The following MAP7D2 variants were observed in gnomAD, a reference collection of about 807,000 sequenced individuals.
MAP7D2 encodes the protein MAP7 domain containing 2, also known as MAP7 domain-containing protein 2.
Under a neutral mutation model 63.5 loss-of-function variants are expected in MAP7D2, and 33 were observed. The observed-to-expected ratio is 0.52, with a 90% CI of 0.39 to 0.70. The LOEUF (loss-of-function observed/expected upper bound fraction) is 0.70, where lower values mean the gene tolerates loss of function less well. Ranked by LOEUF, MAP7D2 falls within the 30% of genes least tolerant of loss-of-function variation. MAP7D2 has a pLI of 0.00. For missense variants in MAP7D2, 626 were observed against 604.0 expected (o/e 1.04, Z -0.38); for synonymous variants, 224 against 223.7 (o/e 1.00, Z -0.01).
chrX:20,012,364 T>C lies in MAP7D2; in HGVS notation c.2057A>G (p.Gln686Arg), dbSNP rs2073231698. Residue 686 changes from glutamine (Q) to arginine (R), a missense_variant, in exon 15 of 17, where the codon CAG becomes CGG. Transcript: ENST00000379643. The stretch of plus-strand genomic sequence containing the variant: ...ATGAATATACCTCACATCCATAGAC[T>C]GAACTTCTTCAGTTGAATCATCCAG... ...NSLDDSTEEV[Q>R]SMDVSPVSKE... 12 of 1,200,978 alleles carry C rather than the reference T, an allele frequency of 1.0e-5. No individual in the cohort carries two copies. Among genetic ancestry groups the C allele is most frequent in the Non-Finnish European group, 1.3e-5 (12 of 890,551 alleles).
At chrX:20,083,833 G>A (rs143488137) in intron 1 of MAP7D2, among the ~76,000 whole-genome samples, 1,835 of 111,329 alleles carry the variant, frequency 0.016, 18 homozygotes, top group Middle Eastern at 0.046. Context: ...TCCTGGGGAG[G>A]TGCTACTGGC....
chrX:20,092,304 G>C (rs944539477), intron 1 of MAP7D2, among the ~76,000 whole-genome samples: 1 of 111,121 alleles, frequency 9.0e-6, no homozygotes, highest in Non-Finnish European at 1.9e-5. Context: ...GCACTTTGAC[G>C]TACTGAACTG....
At chrX:20,046,439 G>GA (rs1324788422) in intron 6 of MAP7D2, among the ~76,000 whole-genome samples, 4 of 112,852 alleles carry the variant, frequency 3.5e-5, no homozygotes, top group Non-Finnish European at 7.5e-5. Flanking sequence ...CTGACAGACT[G>GA]AACTCCATTC....
chrX:20,089,583 A>G (rs2066010647), intron 1 of MAP7D2, among the ~76,000 whole-genome samples: 1 of 112,298 alleles, frequency 8.9e-6, no homozygotes, highest in African/African-American at 3.2e-5. Flanking sequence ...GTGGACTCTG[A>G]GTCCCTGCCC....
At position 20,035,240 on chromosome X, in the gene MAP7D2, T is replaced by A. The variant is rs550776662; in HGVS notation, c.1007+7262A>T. Among the ~76,000 whole-genome samples the A allele has an allele frequency of 5.4e-5, 6 of 111,573 alleles. No individual in the cohort carries two copies. The South Asian group carries it at 2.3e-3, about 42-fold the overall frequency. ...AGAAGGGGGTGAATTCAGCTTTGGC[T>A]GGCTATGGAGAGGATGATGGCTGAG... is the stretch of plus-strand genomic sequence containing the variant. On this transcript the variant is annotated intron_variant, in intron 8 of 16. Coordinates refer to ENST00000379643, the MANE Select transcript of MAP7D2 (RefSeq NM_001168465.2).
intron 1 of MAP7D2, among the ~76,000 whole-genome samples, chrX:20,072,343 T>G (rs1261789722): frequency 9.0e-6 from 1 of 110,873 alleles, no homozygotes; most frequent in African/African-American, 3.3e-5. Flanking sequence ...ATTCGGGTCC[T>G]TCCCTCTCTC....
At chrX:20,104,489 G>A (rs1226034570) in intron 1 of MAP7D2, among the ~76,000 whole-genome samples, 1 of 111,389 alleles carries the variant, frequency 9.0e-6, no homozygotes, top group African/African-American at 3.3e-5. Flanking sequence ...TTAGTAGAGA[G>A]GGGGTTTCGC....
intron 1 of MAP7D2, among the ~76,000 whole-genome samples, chrX:20,069,505 G>A (rs1217525465): frequency 9.0e-6 from 1 of 110,894 alleles, no homozygotes; most frequent in East Asian, 2.8e-4. Context: ...CACAGTCTAT[G>A]GCCATCTCTT....
At chrX:20,086,308 G>A (rs1191148263) in intron 1 of MAP7D2, among the ~76,000 whole-genome samples, 8 of 111,734 alleles carry the variant, frequency 7.2e-5, no homozygotes, top group Non-Finnish European at 1.3e-4. Context: ...CTGGGCCCAC[G>A]GGAACCCTGT....
At chrX:20,115,931 A>T (rs1191795400) in intron 1 of MAP7D2, among the ~76,000 whole-genome samples, 1 of 112,915 alleles carries the variant, frequency 8.9e-6, no homozygotes, top group East Asian at 2.8e-4. Context: ...ATCGGTTTCC[A>T]TGCTGCTTAC....
chrX:20,053,322 C>T (rs917281728), intron 4 of MAP7D2, among the ~76,000 whole-genome samples: 6 of 112,023 alleles, frequency 5.4e-5, no homozygotes, highest in African/African-American at 1.9e-4. Flanking sequence ...TGAGCATGCT[C>T]ACATCACACA....
rs1216874865 is a variant in MAP7D2 at position 20,094,487 on chromosome X, CATATAT to C, written c.130+22257_130+22262del. ...GAATTGGTAATAAAAAAAATACATA[CATATAT>C]ATATATATATATATATATATATGTA... On this transcript the variant is annotated intron_variant, in intron 1 of 16. Coordinates refer to ENST00000379643, the MANE Select transcript of MAP7D2 (RefSeq NM_001168465.2). Among the ~76,000 whole-genome samples the C allele has an allele frequency of 6.6e-3, 99 of 15,083 alleles. 6 individuals carry two copies. Among genetic ancestry groups the C allele is most frequent in the South Asian group, 0.018 (3 of 170 alleles). The allele number at this position is 15,083 out of a possible 115,157, so 13.1% of individuals were successfully genotyped here. A position where few individuals can be genotyped will look rare whatever the true frequency, so the allele number is the denominator to read the frequency against.
intron 4 of MAP7D2, among the ~76,000 whole-genome samples, chrX:20,055,361 C>T (rs1399777981): frequency 4.5e-5 from 5 of 111,859 alleles, no homozygotes; most frequent in Admixed American, 9.5e-5. Flanking sequence ...TTCAGAACTC[C>T]GGGTGATTAC....
At chrX:20,104,881 T>C (rs1235899994) in intron 1 of MAP7D2, among the ~76,000 whole-genome samples, 4 of 111,857 alleles carry the variant, frequency 3.6e-5, no homozygotes, top group Middle Eastern at 4.6e-3. Context: ...GGTGATGCTA[T>C]CCCCATGAAC....
rs147809426 is a variant in MAP7D2, at chrX:20,011,593, T to C, written c.2073-541A>G. ...AGGGCTCCTGTGAGTGTGAATCTGA[T>C]CGTGCTGAGAAGAGTTCATGTGGAA... On this transcript the variant is annotated intron_variant, in intron 15 of 16. Transcript: ENST00000379643. 2.7e-5 allele frequency among the ~76,000 whole-genome samples: 3 copies of C among 112,211 alleles called. No individual in the cohort carries two copies. The East Asian group carries it at 8.4e-4, about 31-fold the overall frequency.
rs1347696778 is a variant in MAP7D2 at position 20,008,065 on chromosome X, C to CA, written c.*359dup. 8.9e-6 allele frequency: 1 copy of CA among 111,868 alleles called. No individual in the cohort carries two copies. The highest frequency in any genetic ancestry group is 1.9e-5 in the Non-Finnish European group (1 of 53,200). 9.2% of individuals were successfully genotyped at this position (111,868 alleles called of 1,213,427 possible). A position where few individuals can be genotyped will look rare whatever the true frequency, so the allele number is the denominator to read the frequency against. On this transcript the variant is annotated 3_prime_UTR_variant, in exon 17 of 17. Coordinates refer to ENST00000379643, the MANE Select transcript of MAP7D2 (RefSeq NM_001168465.2). Reference sequence around the variant, plus strand: ...AAGACATCTAAATGTTTATGTGCTCCAACTTTGGGAATAAGAATGGTTATA... The same window carrying CA: ...AAGACATCTAAATGTTTATGTGCTCCAAACTTTGGGAATAAGAATGGTTATA...
chrX:20,013,334 C>A (rs1290975667), intron 13 of MAP7D2, among the ~76,000 whole-genome samples: 1 of 111,608 alleles, frequency 9.0e-6, no homozygotes, highest in Non-Finnish European at 1.9e-5. Context: ...GACTACTATG[C>A]CTCTCTCTTC....
intron 6 of MAP7D2, among the ~76,000 whole-genome samples, chrX:20,044,757 T>C (rs188789867): frequency 9.0e-6 from 1 of 111,493 alleles, no homozygotes; most frequent in East Asian, 2.8e-4. Flanking sequence ...CACAGAGACC[T>C]AGCACTGCCA....
chrX:20,008,275 C>T lies in MAP7D2; in HGVS notation c.*150G>A, dbSNP rs1470169271. On this transcript the variant is annotated 3_prime_UTR_variant, in exon 17 of 17. Transcript: ENST00000379643. ...AGAGTGGCCAGTGTTTGACATACTA[C>T]CTAGGAATACAGTTACATTCCGAGC... 8.9e-6 allele frequency: 1 copy of T among 111,949 alleles called. No homozygotes were observed. The highest frequency in any genetic ancestry group is 1.9e-5 in the Non-Finnish European group (1 of 53,178). The allele number at this position is 111,949 out of a possible 1,213,427, so 9.2% of individuals were successfully genotyped here.
Sources: gnomAD v4.1 joint callset for allele counts (sites outside exome capture counted in the v4.1 genomes callset) on GRCh38, gnomAD v4.1.1 for gene constraint, MANE v1.5 for transcripts, NCBI Gene and HGNC (gene_info 2026-07-23, HGNC 2026-07-21) for gene names.